CELA3B: variants seen among roughly 807,000 people sequenced by gnomAD.
CELA3B encodes chymotrypsin like elastase 3B.
In CELA3B, 34 loss-of-function variants were observed where a neutral mutation model predicts 37.2. The observed-to-expected ratio is 0.91, with a 90% CI of 0.70 to 1.22. The LOEUF is 1.22. Among genes scored for constraint, CELA3B ranks in the 50% most tolerant of loss-of-function variants. The pLI is 0.00. For missense variants in CELA3B, 340 were observed against 363.1 expected (o/e 0.94, Z 0.52); for synonymous variants, 127 against 143.5 (o/e 0.89, Z 0.82).
intron 4 of CELA3B, among the ~76,000 whole-genome samples, chr1:21,994,423 C>T (rs1181636965): frequency 6.6e-6 from 1 of 151,086 alleles, no homozygotes; most frequent in East Asian, 2.0e-4. Context: ...GGGAGCTGTA[C>T]TAATCTCTGG....
intron 1 of CELA3B, 36 bp downstream of exon 1, chr1:21,977,118 G>A (rs370791247): frequency 1.2e-6 from 2 of 1,613,756 alleles, no homozygotes; most frequent in African/African-American, 1.3e-5. Flanking sequence ...TCCCTGGGCT[G>A]CCCTAGATTA....
At chr1:21,996,418 C>CCAG (rs2152818364) in intron 4 of CELA3B, among the ~76,000 whole-genome samples, 1 of 151,256 alleles carries the variant, frequency 6.6e-6, no homozygotes, top group South Asian at 2.1e-4. Flanking sequence ...TACACTCCCA[C>CCAG]CAGCACCACG....
In CELA3B at chr1:21,983,911, C is replaced by T. The variant is rs143143560; in HGVS notation, c.499+81C>T. On this transcript the variant is annotated intron_variant, in intron 5 of 7. Coordinates refer to ENST00000337107, the MANE Select transcript of CELA3B (RefSeq NM_007352.4). ...GGGGGCTGCAGGTTGAAGGTAACACCAAGACCAGACCTTGTACTTTTCTCC... is the reference window on the plus strand; with the variant it reads ...GGGGGCTGCAGGTTGAAGGTAACACTAAGACCAGACCTTGTACTTTTCTCC... The T allele has an allele frequency of 1.7e-3, 2,467 of 1,417,364 alleles. 37 individuals carry two copies. In the African/African-American group the frequency reaches 0.028, roughly 16 times the overall value. 87.8% of individuals were successfully genotyped at this position (1,417,364 alleles called of 1,614,324 possible).
At chr1:21,979,549 TCC>T (rs1644792640) in intron 2 of CELA3B, among the ~76,000 whole-genome samples, 1 of 147,856 alleles carries the variant, frequency 6.8e-6, no homozygotes, top group African/African-American at 2.5e-5. Flanking sequence ...ACCTCCTAGG[TCC>T]AAGCAATCAT....
intron 5 of CELA3B, 67 bp from the exon 6 acceptor site, chr1:21,984,122 C>T: frequency 1.3e-6 from 2 of 1,552,920 alleles, no homozygotes; most frequent in Non-Finnish European, 1.7e-6. Context: ...CCTTGGATGC[C>T]CCCTTCCTCT....
intron 4 of CELA3B, among the ~76,000 whole-genome samples, chr1:21,981,811 T>C (rs992719949): frequency 5.7e-4 from 87 of 151,904 alleles, no homozygotes; most frequent in Non-Finnish European, 1.1e-3. Context: ...CTGCAAGCTC[T>C]GCCTCCCGGG....
At chr1:21,984,762 C>T (rs966240104) in intron 6 of CELA3B, among the ~76,000 whole-genome samples, 20 of 152,016 alleles carry the variant, frequency 1.3e-4, no homozygotes, top group Non-Finnish European at 2.4e-4. Context: ...GCCTGGCCAA[C>T]ATGGTGAAAC....
rs1418465881 is a variant in CELA3B, at chr1:21,986,381, A to C, written c.643-150A>C. 41 of 1,094,226 alleles carry C rather than the reference A, an allele frequency of 3.7e-5. 1 individual carries two copies. The highest frequency in any genetic ancestry group is 5.0e-5 in the Non-Finnish European group (39 of 785,350). The allele number at this position is 1,094,226 out of a possible 1,614,324, so 67.8% of individuals were successfully genotyped here. A position where few individuals can be genotyped will look rare whatever the true frequency, so the allele number is the denominator to read the frequency against. ...AGAGAGCGAGACTCCATCTAAAAAA[A>C]TAAAAATAATAAATGATTAAAAAAA... is the stretch of plus-strand genomic sequence containing the variant. On this transcript the variant is annotated intron_variant, in intron 6 of 7. Transcript: ENST00000337107.
chr1:21,997,434 A>G (rs1164197055), intron 4 of CELA3B, among the ~76,000 whole-genome samples: 33 of 150,522 alleles, frequency 2.2e-4, no homozygotes, highest in Admixed American at 2.2e-3. Flanking sequence ...CACGACTGTA[A>G]TCCCACACTT....
At chr1:21,991,797 G>A (rs1644869935), downstream of CELA3B, among the ~76,000 whole-genome samples, 1 of 151,130 alleles carries the variant, frequency 6.6e-6, no homozygotes, top group Admixed American at 6.6e-5. Flanking sequence ...TGAAAGAGTT[G>A]GCTAAACATA....
chr1:21,992,382 C>T (rs902018335), downstream of CELA3B, among the ~76,000 whole-genome samples: 9 of 151,766 alleles, frequency 5.9e-5, no homozygotes, highest in Non-Finnish European at 1.2e-4. Context: ...CCAGCCTGGA[C>T]AACATAGTGA....
chr1:21,978,737 A>C lies in CELA3B; in HGVS notation c.129+283A>C, dbSNP rs369176010. Among the ~76,000 whole-genome samples, 610 of 151,596 alleles carry C rather than the reference A, an allele frequency of 4.0e-3. 5 individuals are homozygous for C. Among genetic ancestry groups the C allele is most frequent in the African/African-American group, 0.014 (570 of 41,224 alleles). ...GGTGGAATTTCAGGCACTGTGTTGA[A>C]GAAGTGAGATTTTGAGAGACTCATT... On this transcript the variant is annotated intron_variant, in intron 2 of 7. Transcript: ENST00000337107.
intron 2 of CELA3B, among the ~76,000 whole-genome samples, chr1:21,979,202 A>T (rs961707199): frequency 1.6e-4 from 24 of 151,234 alleles, no homozygotes; most frequent in Admixed American, 9.2e-4. Flanking sequence ...CCTCCCAAGT[A>T]GCTGGGATTA....
intron 4 of CELA3B, among the ~76,000 whole-genome samples, chr1:21,983,374 T>A (rs12060528): frequency 0.042 from 6,302 of 149,070 alleles, 266 homozygotes; most frequent in African/African-American, 0.11. Flanking sequence ...AATAAAAAAA[T>A]TTGCTCTGCC....
chr1:21,988,206 C>T (rs1278601902), intron 7 of CELA3B, among the ~76,000 whole-genome samples: 2 of 149,166 alleles, frequency 1.3e-5, no homozygotes. Flanking sequence ...AGCAAGACTC[C>T]ATCTCAAAAA....
intron 2 of CELA3B, among the ~76,000 whole-genome samples, chr1:21,979,100 T>A (rs1440392382): frequency 3.3e-5 from 5 of 151,910 alleles, no homozygotes; most frequent in African/African-American, 1.2e-4. Flanking sequence ...GAGACAGAGT[T>A]TCACTCTTGT....
At chr1:21,984,063 C>T in intron 5 of CELA3B, 126 bp from the exon 6 acceptor site, 1 of 1,313,616 alleles carries the variant, frequency 7.6e-7, no homozygotes, top group South Asian at 1.4e-5. Context: ...CATGCAGGAC[C>T]ATTTAGCGGG....
At chr1:21,982,869 TG>T (rs1644813429) in intron 4 of CELA3B, among the ~76,000 whole-genome samples, 1 of 151,872 alleles carries the variant, frequency 6.6e-6, no homozygotes, top group African/African-American at 2.4e-5. Flanking sequence ...TTAGTAGAGA[TG>T]GGGTTTCACC....
At chr1:21,996,975 C>T (rs1048282630) in intron 4 of CELA3B, among the ~76,000 whole-genome samples, 4 of 151,256 alleles carry the variant, frequency 2.6e-5, no homozygotes, top group South Asian at 2.1e-4. Flanking sequence ...GATCAGAATC[C>T]GGTTTTTAAG....
Sources: allele counts gnomAD v4.1 joint callset (sites outside exome capture counted in the v4.1 genomes callset), GRCh38; gene constraint gnomAD v4.1.1; transcripts MANE v1.5; gene names NCBI Gene and HGNC (gene_info 2026-07-23, HGNC 2026-07-21).